The following DLGAP2 variants were observed in gnomAD, a reference collection of about 807,000 sequenced individuals.
DLGAP2 encodes disks large-associated protein 2.
Under a neutral mutation model 100.3 loss-of-function variants are expected in DLGAP2, and 26 were observed. The observed-to-expected ratio is 0.26, with a 90% CI of 0.19 to 0.36. The LOEUF (loss-of-function observed/expected upper bound fraction) is 0.36, where lower values mean the gene tolerates loss of function less well. Among genes scored for constraint, DLGAP2 ranks in the 10% least tolerant of loss-of-function variants. DLGAP2 has a pLI of 1.00. For synonymous variants in DLGAP2, 886 were observed against 630.1 expected (o/e 1.41, Z -6.08); for missense variants, 1,858 against 1,453.2 (o/e 1.28, Z -4.53).
chr8:1,623,322 T>C (rs528473703), intron 6 of DLGAP2, among the ~76,000 whole-genome samples: 11 of 150,786 alleles, frequency 7.3e-5, no homozygotes, highest in African/African-American at 2.4e-4. Context: ...GGCACCAGTG[T>C]GTGATGACCT....
intron 2 of DLGAP2, among the ~76,000 whole-genome samples, chr8:1,092,985 C>T (rs1354347681): frequency 1.3e-5 from 2 of 152,170 alleles, no homozygotes; most frequent in Admixed American, 6.5e-5. Flanking sequence ...ATGGGGGCTG[C>T]GGGTCCGAAA....
At chr8:1,490,905 A>G (rs34993974) in intron 3 of DLGAP2, among the ~76,000 whole-genome samples, 79,574 of 146,788 alleles carry the variant, frequency 0.54, 22,897 homozygotes, top group Admixed American at 0.66. Flanking sequence ...GGATAGCATT[A>G]GGAGATATAT....
intron 2 of DLGAP2, among the ~76,000 whole-genome samples, chr8:1,256,657 G>A (rs969800157): frequency 2.6e-5 from 4 of 152,158 alleles, no homozygotes; most frequent in Admixed American, 6.5e-5. Context: ...TCAGATGCCC[G>A]CGTGGGGAGT....
intron 6 of DLGAP2, among the ~76,000 whole-genome samples, chr8:1,601,581 T>C (rs1350847440): frequency 6.9e-6 from 1 of 145,194 alleles, no homozygotes; most frequent in Non-Finnish European, 1.5e-5. Context: ...CAGAGAGCAG[T>C]TTTACAGGCT....
intron 2 of DLGAP2, among the ~76,000 whole-genome samples, chr8:1,229,819 C>T (rs1189514896): frequency 6.6e-6 from 1 of 152,102 alleles, no homozygotes; most frequent in Non-Finnish European, 1.5e-5. Flanking sequence ...AAATCCAACA[C>T]CCTTTCATGA....
intron 3 of DLGAP2, among the ~76,000 whole-genome samples, chr8:1,331,722 G>T (rs544633924): frequency 6.6e-6 from 1 of 152,286 alleles, no homozygotes; most frequent in South Asian, 2.1e-4. Context: ...GGGTCCTTCC[G>T]ACGTTTAAAA....
At chr8:1,202,023 A>T (rs944920563) in intron 2 of DLGAP2, among the ~76,000 whole-genome samples, 2 of 149,464 alleles carry the variant, frequency 1.3e-5, no homozygotes, top group Non-Finnish European at 3.0e-5. Context: ...GTGTCTATGT[A>T]CATGTGTGCA....
At chr8:1,068,411 C>G (rs1399317189) in intron 2 of DLGAP2, among the ~76,000 whole-genome samples, 1 of 152,164 alleles carries the variant, frequency 6.6e-6, no homozygotes, top group African/African-American at 2.4e-5. Flanking sequence ...TTGTTCACCC[C>G]CCACAGTGGA....
intron 3 of DLGAP2, among the ~76,000 whole-genome samples, chr8:1,471,559 C>T (rs796936339): frequency 5.5e-4 from 81 of 147,534 alleles, no homozygotes; most frequent in African/African-American, 1.5e-3. Flanking sequence ...ACCTCCTCTG[C>T]GACGCCCTCC....
intron 2 of DLGAP2, among the ~76,000 whole-genome samples, chr8:1,021,884 G>T (rs754680124): frequency 6.6e-6 from 1 of 152,094 alleles, no homozygotes; most frequent in Non-Finnish European, 1.5e-5. Flanking sequence ...TTCTCCTCTT[G>T]TTTGTTCCAC....
intron 2 of DLGAP2, among the ~76,000 whole-genome samples, chr8:946,499 G>A (rs1268429537): frequency 3.3e-5 from 5 of 152,118 alleles, no homozygotes; most frequent in Non-Finnish European, 7.4e-5. Context: ...TCCTGACCTT[G>A]TGATCTGCCC....
At chr8:1,266,520 G>T (rs994562036) in intron 3 of DLGAP2, among the ~76,000 whole-genome samples, 1 of 152,106 alleles carries the variant, frequency 6.6e-6, no homozygotes, top group African/African-American at 2.4e-5. Context: ...CATATTATTT[G>T]CTTCCTTAAA....
At chr8:1,221,246 G>A (rs1448617321) in intron 2 of DLGAP2, among the ~76,000 whole-genome samples, 1 of 152,162 alleles carries the variant, frequency 6.6e-6, no homozygotes, top group Non-Finnish European at 1.5e-5. Flanking sequence ...GGTCTTTCAT[G>A]TCCATGTCTA....
intron 2 of DLGAP2, among the ~76,000 whole-genome samples, chr8:1,255,245 TCA>T (rs1799168514): frequency 1.2e-5 from 1 of 83,674 alleles, no homozygotes; most frequent in Non-Finnish European, 2.1e-5. Context: ...GTGTGCCCTC[TCA>T]TCCTGCCCGG....
chr8:1,652,704 T>C (rs1798194783), intron 8 of DLGAP2, among the ~76,000 whole-genome samples: 1 of 152,218 alleles, frequency 6.6e-6, no homozygotes, highest in African/African-American at 2.4e-5. Context: ...TCATTCCTTA[T>C]GGAATTTGCA....
chr8:1,329,043 C>T (rs1311974059), intron 3 of DLGAP2, among the ~76,000 whole-genome samples: 3 of 152,214 alleles, frequency 2.0e-5, no homozygotes, highest in African/African-American at 2.4e-5. Context: ...GTGCTGCTCT[C>T]GTGATGACTT....
chr8:955,406 T>A (rs1162383373), intron 2 of DLGAP2, among the ~76,000 whole-genome samples: 1 of 152,120 alleles, frequency 6.6e-6, no homozygotes, highest in Non-Finnish European at 1.5e-5. Context: ...GTGTGTCCAT[T>A]CATCCTCCTC....
chr8:1,304,066 C>A (rs1403232643), intron 3 of DLGAP2, among the ~76,000 whole-genome samples: 3 of 152,230 alleles, frequency 2.0e-5, no homozygotes, highest in Admixed American at 2.0e-4. Flanking sequence ...AGGTCAGCAG[C>A]AGAATTGGGG....
At chr8:1,625,657 C>T (rs1797471839) in intron 6 of DLGAP2, among the ~76,000 whole-genome samples, 1 of 152,150 alleles carries the variant, frequency 6.6e-6, no homozygotes, top group South Asian at 2.1e-4. Flanking sequence ...TTTTATGAGA[C>T]TCTCAGTTTT....
Sources: gnomAD v4.1 joint callset for allele counts (sites outside exome capture counted in the v4.1 genomes callset) on GRCh38, gnomAD v4.1.1 for gene constraint, MANE v1.5 for transcripts, NCBI Gene and HGNC (gene_info 2026-07-23, HGNC 2026-07-21) for gene names.